The following MAPKBP1 variants were observed in gnomAD, a reference collection of about 807,000 sequenced individuals.
MAPKBP1 encodes the protein mitogen-activated protein kinase binding protein 1.
In MAPKBP1, 71 loss-of-function variants were observed where a neutral mutation model predicts 170.5. That is an observed-to-expected ratio of 0.42 (90% CI 0.34 to 0.51). The LOEUF is 0.51. Ranked by LOEUF, MAPKBP1 falls within the 20% of genes least tolerant of loss-of-function variation. The pLI, the probability that MAPKBP1 is intolerant of heterozygous loss-of-function variation, is 0.06. For synonymous variants in MAPKBP1, 719 were observed against 757.9 expected (o/e 0.95, Z 0.84); for missense variants, 1,598 against 1,933.0 (o/e 0.83, Z 3.25).
intron 2 of MAPKBP1, among the ~76,000 whole-genome samples, chr15:41,779,923 T>C (rs774773509): frequency 5.9e-5 from 9 of 152,216 alleles, no homozygotes; most frequent in Non-Finnish European, 1.2e-4. Flanking sequence ...GTCAATGTTC[T>C]CCTAGTTTTG....
chr15:41,814,178 G>T (rs1431372899), intron 9 of MAPKBP1, among the ~76,000 whole-genome samples: 1 of 152,226 alleles, frequency 6.6e-6, no homozygotes, highest in South Asian at 2.1e-4. Context: ...TCAAGAAGCC[G>T]CCAGCAGTCA....
intron 3 of MAPKBP1, among the ~76,000 whole-genome samples, chr15:41,805,004 T>C (rs376529785): frequency 1.5e-4 from 23 of 152,318 alleles, no homozygotes; most frequent in South Asian, 6.2e-4. Context: ...ATCCTTACAC[T>C]GCCCCCAGCC....
intron 3 of MAPKBP1, among the ~76,000 whole-genome samples, chr15:41,803,435 AG>A (rs2064635930): frequency 3.5e-5 from 2 of 56,634 alleles, no homozygotes; most frequent in South Asian, 5.7e-4. Flanking sequence ...AAAAAAAAAA[AG>A]GTTAAGCAGG....
At chr15:41,825,184 C>T (rs781393473) in intron 30 of MAPKBP1, 25 bp from the exon 31 acceptor site, 2 of 1,552,394 alleles carry the variant, frequency 1.3e-6, no homozygotes, top group South Asian at 2.4e-5. Flanking sequence ...GCTCCTCCAC[C>T]TCACTTCTGG....
intron 3 of MAPKBP1, chr15:41,810,581 T>C (rs2064786057): frequency 8.5e-6 from 3 of 352,692 alleles, no homozygotes; most frequent in Non-Finnish European, 1.5e-5. Context: ...TTAGCTTGCA[T>C]GGTGGCACAT....
chr15:41,811,947 C>T lies in MAPKBP1; in HGVS notation c.328-10C>T. 1 of 1,613,942 alleles carries T rather than the reference C, an allele frequency of 6.2e-7. No individual in the cohort carries two copies. The highest frequency in any genetic ancestry group is 8.5e-7 in the Non-Finnish European group (1 of 1,179,900). ...TCAAGAACTCACTTCCAGTTCTTGC[C>T]TCCCTGCAGAGTGGGCACATGCCTG... is the stretch of plus-strand genomic sequence containing the variant. On this transcript the variant is annotated splice_polypyrimidine_tract_variant and intron_variant, in intron 5 of 30. Transcript: ENST00000457542.
intron 30 of MAPKBP1, 96 bp downstream of exon 30, chr15:41,824,665 T>C: frequency 1.6e-6 from 2 of 1,214,082 alleles, no homozygotes; most frequent in Middle Eastern, 3.8e-4. Flanking sequence ...AAGCCTCTTG[T>C]GCTGACAGGA....
chr15:41,775,476 TAACTAGAAGC>T, intron 2 of MAPKBP1, 87 bp downstream of exon 2: 2 of 973,490 alleles, frequency 2.1e-6, no homozygotes, highest in Non-Finnish European at 3.2e-6. Context: ...TTGGGAAAGA[TAACTAGAAGC>T]CCTTGTTGAC....
chr15:41,822,695 C>G lies in MAPKBP1; in HGVS notation c.3314+18C>G. On this transcript the variant is annotated intron_variant, in intron 27 of 30. Transcript: ENST00000457542. ...CCACTCAGGTACAGAGGCCCCCTACCCCCCAGCAGCAGCTCTGGCTCTCCT... is the reference window on the plus strand; with the variant it reads ...CCACTCAGGTACAGAGGCCCCCTACGCCCCAGCAGCAGCTCTGGCTCTCCT... The G allele has an allele frequency of 6.2e-7, 1 of 1,613,274 alleles. No individual in the cohort carries two copies. Among genetic ancestry groups the G allele is most frequent in the Non-Finnish European group, 8.5e-7 (1 of 1,179,354 alleles).
intron 22 of MAPKBP1, 66 bp downstream of exon 22, chr15:41,819,716 G>T (rs2064962187): frequency 1.7e-5 from 25 of 1,503,436 alleles, no homozygotes; most frequent in Non-Finnish European, 2.2e-5. Flanking sequence ...TGAGAACAGG[G>T]CTCTCTGGGC....
rs2065109326 is a variant in MAPKBP1, at chr15:41,826,883, T to G, written c.*1447T>G. 1 of 151,354 alleles carries G rather than the reference T, an allele frequency of 6.6e-6. No individual in the cohort carries two copies. Among genetic ancestry groups the G allele is most frequent in the Non-Finnish European group, 1.5e-5 (1 of 67,844 alleles). The allele number at this position is 151,354 out of a possible 1,614,324, so 9.4% of individuals were successfully genotyped here. ...AGGCAGTTGAAGAGTTGAGGAAAGGTTTTTCTGGGCCCTACTGCTCCCCTC... is the reference window on the plus strand; with the variant it reads ...AGGCAGTTGAAGAGTTGAGGAAAGGGTTTTCTGGGCCCTACTGCTCCCCTC... On this transcript the variant is annotated 3_prime_UTR_variant, in exon 31 of 31. Coordinates refer to ENST00000457542, the MANE Select transcript of MAPKBP1 (RefSeq NM_014994.3).
At chr15:41,822,848 C>T (rs1412278476) in intron 27 of MAPKBP1, 91 bp from the exon 28 acceptor site, 5 of 1,508,666 alleles carry the variant, frequency 3.3e-6, no homozygotes, top group African/African-American at 2.8e-5. Context: ...TTGTTCTCTC[C>T]TAGTGCCCTG....
intron 2 of MAPKBP1, among the ~76,000 whole-genome samples, chr15:41,793,954 G>C (rs909032242): frequency 6.6e-6 from 1 of 152,166 alleles, no homozygotes; most frequent in African/African-American, 2.4e-5. Flanking sequence ...ATATTTGGCC[G>C]GGCGCGGTGG....
intron 2 of MAPKBP1, among the ~76,000 whole-genome samples, chr15:41,791,858 C>G (rs989677499): frequency 3.9e-5 from 6 of 152,058 alleles, no homozygotes; most frequent in African/African-American, 1.5e-4. Flanking sequence ...GAGTTTGAGA[C>G]CAGCCTGACC....
At chr15:41,782,492 T>C (rs2064208123) in intron 2 of MAPKBP1, among the ~76,000 whole-genome samples, 1 of 152,174 alleles carries the variant, frequency 6.6e-6, no homozygotes, top group Admixed American at 6.6e-5. Context: ...TACTATCTTA[T>C]TCAAGTTTTA....
chr15:41,806,482 G>A (rs1445116184), intron 3 of MAPKBP1, among the ~76,000 whole-genome samples: 2 of 152,188 alleles, frequency 1.3e-5, no homozygotes, highest in Non-Finnish European at 2.9e-5. Flanking sequence ...GTAGGAGGTG[G>A]ATCCTATGGG....
chr15:41,782,736 A>G (rs1397694414), intron 2 of MAPKBP1, among the ~76,000 whole-genome samples: 5 of 152,132 alleles, frequency 3.3e-5, no homozygotes, highest in African/African-American at 9.7e-5. Context: ...TAGTATTGCC[A>G]TAGTCAAAGG....
intron 3 of MAPKBP1, among the ~76,000 whole-genome samples, chr15:41,804,477 C>T (rs969204101): frequency 6.6e-6 from 1 of 152,226 alleles, no homozygotes; most frequent in African/African-American, 2.4e-5. Context: ...AAGCCAGGTT[C>T]CCTCTTGTTG....
At chr15:41,787,991 T>C (rs2064329160) in intron 2 of MAPKBP1, among the ~76,000 whole-genome samples, 1 of 152,148 alleles carries the variant, frequency 6.6e-6, no homozygotes, top group Non-Finnish European at 1.5e-5. Context: ...AGAGTCTTGC[T>C]CTGTTGCCCA....
Sources: gnomAD v4.1 joint callset for allele counts (sites outside exome capture counted in the v4.1 genomes callset) on GRCh38, gnomAD v4.1.1 for gene constraint, MANE v1.5 for transcripts, NCBI Gene and HGNC (gene_info 2026-07-23, HGNC 2026-07-21) for gene names.